Variants in AGBL4 observed in about 807,000 individuals in gnomAD.
AGBL4 encodes the protein AGBL carboxypeptidase 4, also known as cytosolic carboxypeptidase 6.
AGBL4 carries 58 observed loss-of-function variants against 66.4 expected under a neutral mutation model. The observed-to-expected ratio is 0.87, with a 90% CI of 0.71 to 1.09. The LOEUF is 1.09. Ranked by LOEUF, AGBL4 falls within the 50% of genes least tolerant of loss-of-function variation. The pLI, the probability that AGBL4 is intolerant of heterozygous loss-of-function variation, is 0.00. For synonymous variants in AGBL4, 234 were observed against 222.9 expected (o/e 1.05, Z -0.44); for missense variants, 579 against 631.0 (o/e 0.92, Z 0.88).
chr1:49,382,504 G>T (rs1644641641), intron 3 of AGBL4, among the ~76,000 whole-genome samples: 1 of 151,902 alleles, frequency 6.6e-6, no homozygotes, highest in Non-Finnish European at 1.5e-5. Context: ...GGGAATAGAA[G>T]GAAGTTACCT....
chr1:49,870,499 AATG>A lies in AGBL4; in HGVS notation c.35-18984_35-18982del, dbSNP rs562937238. 3.3e-3 allele frequency among the ~76,000 whole-genome samples: 501 copies of A among 151,712 alleles called. 4 individuals are homozygous for A. The highest frequency in any genetic ancestry group is 5.4e-3 in the Non-Finnish European group (366 of 67,912). ...TTGAGGCGATGAGTGCCTCATTCTC[AATG>A]ATATGATTATTACACATTGCATGCC... On this transcript the variant is annotated intron_variant, in intron 1 of 13. Coordinates refer to ENST00000371839, the MANE Select transcript of AGBL4 (RefSeq NM_032785.4).
chr1:49,009,415 C>G (rs1370810022), intron 5 of AGBL4, among the ~76,000 whole-genome samples: 3 of 149,664 alleles, frequency 2.0e-5, no homozygotes, highest in East Asian at 2.0e-4. Context: ...GAGTCCAGGA[C>G]CAGATGGATT....
rs976916479 is a variant in AGBL4, at chr1:48,930,801, TTCAC to T, written c.595-63575_595-63572del. Among the ~76,000 whole-genome samples, 509 of 152,098 alleles carry T rather than the reference TTCAC, an allele frequency of 3.3e-3. 4 individuals are homozygous for T. The highest frequency in any genetic ancestry group is 0.011 in the African/African-American group (435 of 41,422). ...AGAAATGGAAGTACATGGAGGTTCATTCACTCATTCATTCATTCATTCAATCAGT... is the reference window on the plus strand; with the variant it reads ...AGAAATGGAAGTACATGGAGGTTCATTCATTCATTCATTCATTCAATCAGT... On this transcript the variant is annotated intron_variant, in intron 5 of 13. Transcript: ENST00000371839.
At chr1:49,329,660 C>T (rs1320052770) in intron 3 of AGBL4, among the ~76,000 whole-genome samples, 1 of 151,694 alleles carries the variant, frequency 6.6e-6, no homozygotes, top group Non-Finnish European at 1.5e-5. Context: ...AGTGAGACCC[C>T]CCGCCCCCCG....
chr1:48,608,438 T>G (rs182036167), intron 9 of AGBL4, among the ~76,000 whole-genome samples: 1 of 152,268 alleles, frequency 6.6e-6, no homozygotes, highest in African/African-American at 2.4e-5. Context: ...TGAGGGGTGG[T>G]CTATGGTGGA....
chr1:49,119,984 A>G (rs1645617586), intron 4 of AGBL4, among the ~76,000 whole-genome samples: 1 of 152,086 alleles, frequency 6.6e-6, no homozygotes, highest in African/African-American at 2.4e-5. Flanking sequence ...CTGTTTTATC[A>G]GAGACTAGGA....
At chr1:49,026,269 A>G (rs1173464483) in intron 5 of AGBL4, among the ~76,000 whole-genome samples, 2 of 152,178 alleles carry the variant, frequency 1.3e-5, no homozygotes, top group African/African-American at 4.8e-5. Flanking sequence ...TTGTTCTTTC[A>G]AGGCATTTAA....
chr1:48,726,371 C>T (rs767406381), intron 6 of AGBL4, among the ~76,000 whole-genome samples: 14 of 152,174 alleles, frequency 9.2e-5, no homozygotes, highest in Non-Finnish European at 2.1e-4. Flanking sequence ...GCATCTCACG[C>T]AATCCACACA....
Position 48,779,966 on chromosome 1 carries a change from G to A in AGBL4, c.634+87225C>T, listed in dbSNP as rs950712412. Among the ~76,000 whole-genome samples, 4 of 151,584 alleles carry A rather than the reference G, an allele frequency of 2.6e-5. No homozygotes were observed. In the South Asian group the frequency reaches 8.3e-4, roughly 32 times the overall value. ...TGACCTCAGGCAATCCACCCTCCTC[G>A]GCCTCCCAATGTGCTGGGATTACAG... On this transcript the variant is annotated intron_variant, in intron 6 of 13. Coordinates refer to ENST00000371839, the MANE Select transcript of AGBL4 (RefSeq NM_032785.4).
At position 49,763,753 on chromosome 1, in the gene AGBL4, C is replaced by G. The variant is rs573955852; in HGVS notation, c.158-66316G>C. On this transcript the variant is annotated intron_variant, in intron 2 of 13. Coordinates refer to ENST00000371839, the MANE Select transcript of AGBL4 (RefSeq NM_032785.4). ...GGACACAGAGCTGCCTGGTGTCTTTCTAGGGACACCACTCAATTCCACACG... is the reference window on the plus strand; with the variant it reads ...GGACACAGAGCTGCCTGGTGTCTTTGTAGGGACACCACTCAATTCCACACG... Among the ~76,000 whole-genome samples, 4 of 152,258 alleles carry G rather than the reference C, an allele frequency of 2.6e-5. No individual in the cohort carries two copies. The South Asian group carries it at 8.3e-4, about 32-fold the overall frequency.
At chr1:49,557,580 T>A (rs1302006282) in intron 3 of AGBL4, among the ~76,000 whole-genome samples, 1 of 152,052 alleles carries the variant, frequency 6.6e-6, no homozygotes, top group Non-Finnish European at 1.5e-5. Flanking sequence ...GAGGGAGAAC[T>A]TCACCCAGCC....
At chr1:49,145,538 G>T (rs540340256) in intron 4 of AGBL4, among the ~76,000 whole-genome samples, 2 of 152,154 alleles carry the variant, frequency 1.3e-5, no homozygotes, top group Non-Finnish European at 2.9e-5. Context: ...TAGTATTTGT[G>T]TCCCTATTTT....
intron 2 of AGBL4, among the ~76,000 whole-genome samples, chr1:49,790,192 AC>A (rs1304698858): frequency 1.3e-5 from 2 of 151,778 alleles, no homozygotes. Context: ...GCCTGCCCTC[AC>A]CCCCTACTAA....
chr1:49,027,333 T>C (rs1031750435), intron 5 of AGBL4, among the ~76,000 whole-genome samples: 1 of 152,018 alleles, frequency 6.6e-6, no homozygotes, highest in African/African-American at 2.4e-5. Flanking sequence ...GCTAATTTTT[T>C]TGTATTATTA....
intron 1 of AGBL4, among the ~76,000 whole-genome samples, chr1:49,980,002 C>T (rs1269226521): frequency 6.6e-6 from 1 of 152,024 alleles, no homozygotes; most frequent in Non-Finnish European, 1.5e-5. Context: ...ATTTTCTCTT[C>T]CTTATGATTT....
At chr1:48,695,369 T>C (rs1263111732) in intron 6 of AGBL4, among the ~76,000 whole-genome samples, 3 of 152,232 alleles carry the variant, frequency 2.0e-5, no homozygotes, top group Non-Finnish European at 4.4e-5. Context: ...TTAGAGGCCA[T>C]GCATTATTTA....
chr1:49,591,804 C>T (rs1051526137), intron 3 of AGBL4, among the ~76,000 whole-genome samples: 2 of 152,092 alleles, frequency 1.3e-5, no homozygotes, highest in African/African-American at 2.4e-5. Context: ...ACCATCTGAT[C>T]TTCAAAAAAG....
intron 5 of AGBL4, among the ~76,000 whole-genome samples, chr1:48,989,185 GGT>G (rs1660415177): frequency 1.3e-5 from 2 of 151,862 alleles, no homozygotes; most frequent in Non-Finnish European, 2.9e-5. Flanking sequence ...TAAATGTACG[GGT>G]GTGTTCTTCG....
chr1:49,579,836 C>G (rs1644507542), intron 3 of AGBL4, among the ~76,000 whole-genome samples: 1 of 152,172 alleles, frequency 6.6e-6, no homozygotes, highest in Non-Finnish European at 1.5e-5. Context: ...TCCATTTGGT[C>G]TAAAGTCCAA....
Sources: gnomAD v4.1 joint callset for allele counts (sites outside exome capture counted in the v4.1 genomes callset) on GRCh38, gnomAD v4.1.1 for gene constraint, MANE v1.5 for transcripts, NCBI Gene and HGNC (gene_info 2026-07-23, HGNC 2026-07-21) for gene names.